PXDNL: variants seen among roughly 807,000 people sequenced by gnomAD.
PXDNL encodes the protein probable oxidoreductase PXDNL.
Under a neutral mutation model 150.8 loss-of-function variants are expected in PXDNL, and 145 were observed. That is an observed-to-expected ratio of 0.96 (90% confidence interval 0.84 to 1.10). The LOEUF (loss-of-function observed/expected upper bound fraction) is 1.10. Among genes scored for constraint, PXDNL ranks in the 50% least tolerant of loss-of-function variants. The pLI is 0.00. For missense variants in PXDNL, 2,087 were observed against 1,873.9 expected, an observed-to-expected ratio of 1.11 and a Z score of -2.10; for synonymous variants, 757 against 725.7, an observed-to-expected ratio of 1.04 and a Z score of -0.69.
intron 3 of PXDNL, among the ~76,000 whole-genome samples, chr8:51,577,163 T>C (rs1813073720): frequency 6.6e-6 from 1 of 151,808 alleles, no homozygotes; most frequent in Non-Finnish European, 1.5e-5. Context: ...TTAGTATTAA[T>C]GCGATACCAA....
chr8:51,665,170 G>T (rs952297489), intron 1 of PXDNL, among the ~76,000 whole-genome samples: 15 of 152,152 alleles, frequency 9.9e-5, no homozygotes, highest in Non-Finnish European at 2.1e-4. Flanking sequence ...ACTGTGCTCT[G>T]GGAACCCCTG....
intron 1 of PXDNL, among the ~76,000 whole-genome samples, chr8:51,806,737 T>C (rs2037680085): frequency 6.6e-6 from 1 of 152,234 alleles, no homozygotes; most frequent in Non-Finnish European, 1.5e-5. Context: ...AATGTCACTT[T>C]TGGCTTCCAT....
intron 4 of PXDNL, among the ~76,000 whole-genome samples, chr8:51,512,387 A>C (rs1462783779): frequency 2.0e-5 from 3 of 152,192 alleles, no homozygotes; most frequent in Non-Finnish European, 4.4e-5. Context: ...GAGAAGAAGG[A>C]CCTGATCACA....
intron 1 of PXDNL, among the ~76,000 whole-genome samples, chr8:51,780,628 CTTTCTT>C (rs372779524): frequency 1.5e-5 from 2 of 136,010 alleles, no homozygotes; most frequent in African/African-American, 2.9e-5. Flanking sequence ...TCTGGGGCCT[CTTTCTT>C]TTTCTTTTTC....
At chr8:51,361,603 T>A (rs1806739886) in intron 19 of PXDNL, among the ~76,000 whole-genome samples, 1 of 152,234 alleles carries the variant, frequency 6.6e-6, no homozygotes, top group Admixed American at 6.5e-5. Flanking sequence ...TTACTAAAGG[T>A]AATTTAAAAT....
chr8:51,621,644 A>C (rs1451109874), intron 2 of PXDNL, among the ~76,000 whole-genome samples: 1 of 152,156 alleles, frequency 6.6e-6, no homozygotes, highest in East Asian at 1.9e-4. Flanking sequence ...TACATATATA[A>C]AAGTAATTTT....
intron 17 of PXDNL, among the ~76,000 whole-genome samples, chr8:51,405,971 A>G (rs1303030614): frequency 6.6e-6 from 1 of 152,208 alleles, no homozygotes; most frequent in East Asian, 1.9e-4. Flanking sequence ...GAACAAATAG[A>G]AAGGCTACTG....
chr8:51,674,192 G>A lies in PXDNL; in HGVS notation c.165-19432C>T, dbSNP rs367576834. Among the ~76,000 whole-genome samples, 3 of 152,084 alleles carry A rather than the reference G, an allele frequency of 2.0e-5. No individual in the cohort carries two copies. The East Asian group carries it at 5.8e-4, about 29-fold the overall frequency. ...TGCCTCTCTTCCTCCAACTATTGCT[G>A]AGAAGGCACTCTATTGCATATCCTA... is the stretch of plus-strand genomic sequence containing the variant. On this transcript the variant is annotated intron_variant, in intron 1 of 22. Coordinates refer to ENST00000356297, the MANE Select transcript of PXDNL (RefSeq NM_144651.5).
intron 22 of PXDNL, among the ~76,000 whole-genome samples, chr8:51,320,541 C>T (rs977516781): frequency 5.3e-5 from 8 of 152,188 alleles, no homozygotes; most frequent in African/African-American, 1.9e-4. Context: ...TTGGTTCCCT[C>T]GTCCATCAGT....
At chr8:51,503,386 CAA>C (rs1337277957) in intron 4 of PXDNL, among the ~76,000 whole-genome samples, 1 of 99,814 alleles carries the variant, frequency 1.0e-5, no homozygotes, top group African/African-American at 3.5e-5. Flanking sequence ...AATTTTCTAA[CAA>C]AATCTTTTTC....
chr8:51,599,835 T>A lies in PXDNL; in HGVS notation c.237-7137A>T, dbSNP rs545381546. On this transcript the variant is annotated intron_variant, in intron 2 of 22. Transcript: ENST00000356297. ...CCTTATATAAATGACATCGTTTAGA[T>A]AATAAATTATACCTTATATAAATGA... 7.3e-5 allele frequency among the ~76,000 whole-genome samples: 10 copies of A among 137,524 alleles called. No individual in the cohort carries two copies. In the South Asian group the frequency reaches 2.0e-3, roughly 28 times the overall value. The allele number at this position is 137,524 out of a possible 152,430, so 90.2% of individuals were successfully genotyped here. A position where few individuals can be genotyped will look rare whatever the true frequency, so the allele number is the denominator to read the frequency against.
chr8:51,335,158 T>C (rs1285903258), intron 21 of PXDNL, among the ~76,000 whole-genome samples: 2 of 152,224 alleles, frequency 1.3e-5, no homozygotes, highest in African/African-American at 4.8e-5. Flanking sequence ...TAACAAATTA[T>C]AGTGGCCGAC....
chr8:51,386,912 A>G (rs1175960871), intron 17 of PXDNL, among the ~76,000 whole-genome samples: 1 of 152,072 alleles, frequency 6.6e-6, no homozygotes, highest in Non-Finnish European at 1.5e-5. Context: ...AACTGTATAC[A>G]CTTGATTTAT....
At chr8:51,387,156 C>A (rs1807741673) in intron 17 of PXDNL, among the ~76,000 whole-genome samples, 1 of 151,870 alleles carries the variant, frequency 6.6e-6, no homozygotes, top group African/African-American at 2.4e-5. Context: ...CTGCATAGAT[C>A]TCATAATTAC....
intron 3 of PXDNL, among the ~76,000 whole-genome samples, chr8:51,582,545 A>G (rs1352411313): frequency 6.6e-6 from 1 of 152,188 alleles, no homozygotes; most frequent in African/African-American, 2.4e-5. Flanking sequence ...AGTTCTTTTG[A>G]AGGACAATGT....
At chr8:51,719,288 C>G (rs1816679896) in intron 1 of PXDNL, among the ~76,000 whole-genome samples, 3 of 152,198 alleles carry the variant, frequency 2.0e-5, no homozygotes, top group Admixed American at 2.0e-4. Context: ...CCATTTTGTT[C>G]TGTACTAAGA....
intron 5 of PXDNL, among the ~76,000 whole-genome samples, chr8:51,489,566 C>T (rs761308516): frequency 6.6e-6 from 1 of 152,172 alleles, no homozygotes; most frequent in Non-Finnish European, 1.5e-5. Flanking sequence ...AATCCTCCCA[C>T]TTCAGCCTCT....
intron 1 of PXDNL, among the ~76,000 whole-genome samples, chr8:51,680,881 T>A (rs943547631): frequency 2.0e-5 from 3 of 152,238 alleles, no homozygotes; most frequent in African/African-American, 7.2e-5. Flanking sequence ...CAGCAGGAGA[T>A]GGTGCTATTT....
At chr8:51,610,626 G>C (rs1813980442) in intron 2 of PXDNL, among the ~76,000 whole-genome samples, 1 of 152,136 alleles carries the variant, frequency 6.6e-6, no homozygotes, top group African/African-American at 2.4e-5. Flanking sequence ...TGGTTTAGGA[G>C]TACAGGCATG....
Sources: gnomAD v4.1 joint callset for allele counts (sites outside exome capture counted in the v4.1 genomes callset) on GRCh38, gnomAD v4.1.1 for gene constraint, MANE v1.5 for transcripts, NCBI Gene and HGNC (gene_info 2026-07-23, HGNC 2026-07-21) for gene names.